PKHD1L1: variants seen among roughly 807,000 people sequenced by gnomAD.
The protein encoded by PKHD1L1 is PKHD1 like 1.
PKHD1L1 carries 434 observed loss-of-function variants against 462.9 expected under a neutral mutation model. That is an observed-to-expected ratio of 0.94 (90% CI 0.87 to 1.02). The LOEUF is 1.02. Ranked by LOEUF, PKHD1L1 falls within the 50% of genes least tolerant of loss-of-function variation. The pLI is 0.00. For missense variants in PKHD1L1, 5,202 were observed against 5,096.1 expected, an observed-to-expected ratio of 1.02 and a Z score of -0.63; for synonymous variants, 1,781 against 1,750.0, an observed-to-expected ratio of 1.02 and a Z score of -0.44.
rs761472427 is a variant in PKHD1L1, at chr8:109,396,102, A to G, written c.887A>G (p.Asp296Gly). The G allele has an allele frequency of 6.2e-6, 10 of 1,609,006 alleles. No individual in the cohort carries two copies. The African/African-American group carries it at 1.1e-4, about 17-fold the overall frequency. ...CTGACAATAAGTGGGCGTTTCTTTGATCAGACAGATTTCCCCGTCAGAGTT... is the reference window on the plus strand; with the variant it reads ...CTGACAATAAGTGGGCGTTTCTTTGGTCAGACAGATTTCCCCGTCAGAGTT... ...TTLTISGRFFDQTDFPVRVLV... is the reference protein window; with the variant it reads ...TTLTISGRFFGQTDFPVRVLV... The change falls in exon 11 of 78, where the codon GAT becomes GGT. Residue 296 changes from aspartate (D) to glycine (G), a missense_variant. Transcript: ENST00000378402.
Position 109,486,786 on chromosome 8 carries a change from T to G in PKHD1L1, c.9845T>G (p.Val3282Gly), listed in dbSNP as rs1266392310. 1.2e-6 allele frequency: 2 copies of G among 1,612,000 alleles called. No homozygotes were observed. The highest frequency in any genetic ancestry group is 1.7e-6 in the Non-Finnish European group (2 of 1,178,728). Residue 3282 changes from valine (V) to glycine (G), a missense_variant, in exon 59 of 78, where the codon GTT becomes GGT. Val to Gly is a moderately radical substitution (Grantham distance 109). Transcript: ENST00000378402. ...GACTCTTTTGGAGCACGCGTACTGG[T>G]TGGCTCATTCACTGAAAATATGATG... ...SEDSFGARVL[V>G]GSFTENMMTF...
chr8:109,498,120 A>G (rs1586626430), intron 65 of PKHD1L1, among the ~76,000 whole-genome samples: 1 of 32,444 alleles, frequency 3.1e-5, no homozygotes. Flanking sequence ...TTTGAGACGG[A>G]GTCTCGCTCT....
chr8:109,452,581 A>G (rs981622292), intron 42 of PKHD1L1, 137 bp from the exon 43 acceptor site: 28 of 465,704 alleles, frequency 6.0e-5, no homozygotes, highest in Admixed American at 3.3e-4. Context: ...TTTATTATTA[A>G]TAAAATGCTT....
chr8:109,438,860 A>C (rs1000394532), intron 31 of PKHD1L1, 37 bp from the exon 32 acceptor site: 8 of 1,438,136 alleles, frequency 5.6e-6, no homozygotes, highest in Admixed American at 4.5e-5. Flanking sequence ...TAACAAGTTG[A>C]ACTTTTTGCA....
At position 109,420,720 on chromosome 8, in the gene PKHD1L1, T is replaced by G. The variant is rs758377640; in HGVS notation, c.2697+30T>G. On this transcript the variant is annotated intron_variant, in intron 23 of 77. Transcript: ENST00000378402. ...GCCTAGAATTTTGCATTAATTTTTATGTAGTGAATTTTATTTTTAATTTTT... is the reference window on the plus strand; with the variant it reads ...GCCTAGAATTTTGCATTAATTTTTAGGTAGTGAATTTTATTTTTAATTTTT... 4.1e-6 allele frequency: 6 copies of G among 1,449,924 alleles called. No individual in the cohort carries two copies. In the Admixed American group the frequency reaches 1.3e-4, roughly 31 times the overall value. The allele number at this position is 1,449,924 out of a possible 1,614,324, so 89.8% of individuals were successfully genotyped here.
At chr8:109,450,935 C>T (rs995748528) in intron 40 of PKHD1L1, 40 bp from the exon 41 acceptor site, 9 of 1,541,128 alleles carry the variant, frequency 5.8e-6, no homozygotes, top group African/African-American at 1.4e-5. Flanking sequence ...AATCAGGGCC[C>T]GATGGCAGAA....
At chr8:109,364,500 G>T (rs1234709999) in intron 1 of PKHD1L1, 47 bp from the exon 2 acceptor site, 2 of 1,295,790 alleles carry the variant, frequency 1.5e-6, no homozygotes, top group Admixed American at 2.1e-5. Flanking sequence ...TGACTGAAAT[G>T]AAGAACTTGG....
chr8:109,486,611 C>T (rs1818539771), intron 58 of PKHD1L1, 37 bp from the exon 59 acceptor site: 2 of 1,587,836 alleles, frequency 1.3e-6, no homozygotes, highest in East Asian at 2.2e-5. Context: ...AGATACTTCT[C>T]AGCATTGGCA....
intron 47 of PKHD1L1, 35 bp downstream of exon 47, chr8:109,459,871 T>C (rs779197605): frequency 6.4e-7 from 1 of 1,554,534 alleles, no homozygotes; most frequent in South Asian, 1.3e-5. Flanking sequence ...GGTATAATCA[T>C]GCCATATAGT....
In PKHD1L1 at chr8:109,522,464, T is replaced by A. The variant is rs139327550; in HGVS notation, c.12183+127T>A. 5.1e-4 allele frequency: 599 copies of A among 1,170,070 alleles called. 5 individuals carry two copies. In the East Asian group the frequency reaches 0.015, roughly 30 times the overall value. 72.5% of individuals were successfully genotyped at this position (1,170,070 alleles called of 1,614,324 possible). A position where few individuals can be genotyped will look rare whatever the true frequency, so the allele number is the denominator to read the frequency against. On this transcript the variant is annotated intron_variant, in intron 74 of 77. Transcript: ENST00000378402. The stretch of plus-strand genomic sequence containing the variant: ...GCAGGCATGTCTTTCTTATTTATTG[T>A]TGACTTTTTATAGGCTCGCTAAAAT...
chr8:109,503,280 AAAAAACAAAAAAC>A (rs1197963227), intron 67 of PKHD1L1, among the ~76,000 whole-genome samples: 1 of 690 alleles, frequency 1.4e-3, no homozygotes, highest in East Asian at 0.17. Flanking sequence ...ACCCCATCTC[AAAAAACAAAAAAC>A]AAAAACAAAA....
At position 109,523,311 on chromosome 8, in the gene PKHD1L1, G is replaced by A; in HGVS notation, c.12409G>A (p.Gly4137Ser). ...GGACTCCAATAATAACCAAGTCAAT[G>A]GCCTTAGTGGAAATACAACAATTCC... ...LKDSNNNQVN[G>S]LSGNTTIPFS... The change falls in exon 76 of 78, where the codon GGC (glycine) becomes AGC (serine). Residue 4137 changes from glycine (G) to serine (S), a missense_variant. By Grantham distance (56) the Gly-to-Ser change is moderately conservative (BLOSUM62 0). This residue lies in a region of PKHD1L1 where 698 missense variants were observed against 736.3 expected (regional missense o/e 0.95). Transcript: ENST00000378402. 6 of 1,612,240 alleles carry A rather than the reference G, an allele frequency of 3.7e-6. No individual in the cohort carries two copies. Among genetic ancestry groups the A allele is most frequent in the Non-Finnish European group, 5.1e-6 (6 of 1,178,788 alleles).
intron 59 of PKHD1L1, among the ~76,000 whole-genome samples, chr8:109,488,285 A>G (rs915360144): frequency 1.3e-5 from 2 of 151,902 alleles, no homozygotes; most frequent in African/African-American, 2.4e-5. Flanking sequence ...TGTTTTTAGT[A>G]TCATTATGTG....
intron 29 of PKHD1L1, 65 bp from the exon 30 acceptor site, chr8:109,436,273 C>G (rs1415564176): frequency 8.0e-6 from 12 of 1,490,712 alleles, no homozygotes; most frequent in African/African-American, 1.4e-5. Context: ...AAAAATGTTA[C>G]TAACATTTCT....
chr8:109,519,645 A>G (rs947592639), intron 73 of PKHD1L1, among the ~76,000 whole-genome samples: 2 of 152,204 alleles, frequency 1.3e-5, no homozygotes, highest in African/African-American at 4.8e-5. Context: ...AGGAAGACTT[A>G]CCATCCAGTT....
chr8:109,429,252 C>T lies in PKHD1L1; in HGVS notation c.3001-88C>T, dbSNP rs1464421868. ...TTTACATTCTTTGACTTTTATTCACCTTTGCCTATGCTGAAATTTAAAATG... is the reference window on the plus strand; with the variant it reads ...TTTACATTCTTTGACTTTTATTCACTTTTGCCTATGCTGAAATTTAAAATG... On this transcript the variant is annotated intron_variant, in intron 25 of 77. Transcript: ENST00000378402. 2.2e-5 allele frequency: 25 copies of T among 1,146,210 alleles called. No individual in the cohort carries two copies. In the East Asian group the frequency reaches 6.1e-4, roughly 28 times the overall value. The allele number at this position is 1,146,210 out of a possible 1,614,324, so 71.0% of individuals were successfully genotyped here. A position where few individuals can be genotyped will look rare whatever the true frequency, so the allele number is the denominator to read the frequency against.
intron 2 of PKHD1L1, among the ~76,000 whole-genome samples, chr8:109,368,462 G>C (rs1811336234): frequency 6.6e-6 from 1 of 152,116 alleles, no homozygotes; most frequent in Admixed American, 6.6e-5. Context: ...TGAAAAGGAT[G>C]ATACACCTAA....
intron 23 of PKHD1L1, among the ~76,000 whole-genome samples, chr8:109,420,926 T>C (rs1814431073): frequency 6.6e-6 from 1 of 152,100 alleles, no homozygotes; most frequent in Non-Finnish European, 1.5e-5. Context: ...CATATTTAAG[T>C]AGAGTTTTCT....
chr8:109,381,411 G>C lies in PKHD1L1; in HGVS notation c.205G>C (p.Ala69Pro). 1 of 1,582,070 alleles carries C rather than the reference G, an allele frequency of 6.3e-7. No homozygotes were observed. Among genetic ancestry groups the C allele is most frequent in the Non-Finnish European group, 8.6e-7 (1 of 1,162,238 alleles). ...ANQFNYGVDN[A>P]ELGNSVQLIS... is the part of the protein sequence containing the mutation. The stretch of plus-strand genomic sequence containing the variant: ...CCAGTTTAACTATGGAGTTGATAAC[G>C]CTGAGTTGGGAAACAGTGTGCAATT... Residue 69 changes from alanine (A) to proline (P), a missense_variant, in exon 3 of 78, where the codon GCT (alanine) becomes CCT (proline). Physicochemically the swap from Ala to Pro is conservative, Grantham distance 27. Around this residue, in one of 3 missense-constraint regions of PKHD1L1, gnomAD observed 4,497 missense variants for 4,336.8 expected, o/e 1.04. Coordinates refer to ENST00000378402, the MANE Select transcript of PKHD1L1 (RefSeq NM_177531.6).
Sources: gnomAD v4.1 joint callset for allele counts (sites outside exome capture counted in the v4.1 genomes callset) on GRCh38, gnomAD v4.1.1 for gene constraint, gnomAD v4.1.1 regional missense constraint, MANE v1.5 for transcripts, NCBI Gene and HGNC (gene_info 2026-07-23, HGNC 2026-07-21) for gene names.